SHB: variants seen among roughly 807,000 people sequenced by gnomAD.
SHB encodes SH2 domain-containing adapter protein B.
A neutral mutation model predicts 52.3 loss-of-function variants in SHB; 20 were observed. That is an observed-to-expected ratio of 0.38 (90% CI 0.27 to 0.56). The LOEUF (loss-of-function observed/expected upper bound fraction) is 0.56. Ranked by LOEUF, SHB falls within the 20% of genes least tolerant of loss-of-function variation. The pLI is 0.71. For missense variants in SHB, 825 were observed against 723.3 expected, an observed-to-expected ratio of 1.14 and a Z score of -1.61; for synonymous variants, 397 against 316.5, an observed-to-expected ratio of 1.25 and a Z score of -2.70.
chr9:38,024,553 C>T (rs1821318800), intron 1 of SHB, among the ~76,000 whole-genome samples: 1 of 152,216 alleles, frequency 6.6e-6, no homozygotes, highest in South Asian at 2.1e-4. Flanking sequence ...CACACACACA[C>T]ACAGCCCACT....
At chr9:37,980,158 ACT>A (rs777119236) in intron 2 of SHB, among the ~76,000 whole-genome samples, 77 of 152,146 alleles carry the variant, frequency 5.1e-4, no homozygotes, top group Non-Finnish European at 8.2e-4. Context: ...ACATAGATTG[ACT>A]CTTCCTTTCA....
At chr9:37,993,248 A>G (rs1302699133) in intron 2 of SHB, among the ~76,000 whole-genome samples, 1 of 152,116 alleles carries the variant, frequency 6.6e-6, no homozygotes, top group Non-Finnish European at 1.5e-5. Context: ...ATGGGAACGG[A>G]TGCCTACTTG....
chr9:38,030,407 T>TAAA (rs1821399266), intron 1 of SHB, among the ~76,000 whole-genome samples: 1 of 152,240 alleles, frequency 6.6e-6, no homozygotes. Context: ...TCCCACTTGC[T>TAAA]GCTTTCTCTA....
Position 38,068,035 on chromosome 9 carries a change from C to A in SHB, c.611G>T (p.Cys204Phe). 1 of 1,508,548 alleles carries A rather than the reference C, an allele frequency of 6.6e-7. No individual in the cohort carries two copies. The highest frequency in any genetic ancestry group is 8.8e-7 in the Non-Finnish European group (1 of 1,136,426). The allele number at this position is 1,508,548 out of a possible 1,614,324, so 93.4% of individuals were successfully genotyped here. A position where few individuals can be genotyped will look rare whatever the true frequency, so the allele number is the denominator to read the frequency against. ...GGAGDPLGGA[C>F]AGGRTWSPTA... The stretch of plus-strand genomic sequence containing the variant: ...CGGGCTCCAGGTGCGGCCGCCCGCG[C>A]AGGCGCCCCCCAGGGGGTCCCCGGC... The change falls in exon 1 of 6, where the codon TGC becomes TTC. Residue 204 changes from cysteine to phenylalanine, a missense_variant. By Grantham distance (205) the Cys-to-Phe change is radical (BLOSUM62 -2). Coordinates refer to ENST00000377707, the MANE Select transcript of SHB (RefSeq NM_003028.3).
intron 5 of SHB, among the ~76,000 whole-genome samples, chr9:37,939,656 C>T (rs1370075675): frequency 1.3e-5 from 2 of 152,146 alleles, no homozygotes; most frequent in African/African-American, 4.8e-5. Context: ...AACTAGTTGG[C>T]CATTGGCTGG....
intron 4 of SHB, among the ~76,000 whole-genome samples, chr9:37,954,289 A>G (rs1320745804): frequency 6.6e-6 from 1 of 152,208 alleles, no homozygotes; most frequent in East Asian, 1.9e-4. Context: ...CATCCTGCTC[A>G]CCGAGTGAGA....
At chr9:38,006,640 A>G (rs1821079098) in intron 2 of SHB, among the ~76,000 whole-genome samples, 1 of 152,220 alleles carries the variant, frequency 6.6e-6, no homozygotes, top group African/African-American at 2.4e-5. Context: ...CACAGCTGCC[A>G]GGAAAGACAA....
chr9:38,056,612 G>A (rs749590963), intron 1 of SHB, among the ~76,000 whole-genome samples: 3 of 152,212 alleles, frequency 2.0e-5, no homozygotes, highest in Admixed American at 6.5e-5. Flanking sequence ...GATTATAGGC[G>A]TGAGCCACCG....
chr9:38,057,153 T>C (rs192040116), intron 1 of SHB, among the ~76,000 whole-genome samples: 1 of 152,208 alleles, frequency 6.6e-6, no homozygotes, highest in African/African-American at 2.4e-5. Flanking sequence ...ACTGTTAAAT[T>C]GGTGAAAACG....
intron 5 of SHB, among the ~76,000 whole-genome samples, chr9:37,930,474 GCTC>G (rs1477979715): frequency 6.6e-6 from 1 of 152,102 alleles, no homozygotes; most frequent in Non-Finnish European, 1.5e-5. Flanking sequence ...AATGCCCCCT[GCTC>G]CTCATTTCTC....
rs918761772 is a variant in SHB, at chr9:37,956,305, C to T, written c.1055-251G>A. 2.0e-5 allele frequency among the ~76,000 whole-genome samples: 3 copies of T among 152,170 alleles called. No homozygotes were observed. The East Asian group carries it at 5.8e-4, about 29-fold the overall frequency. ...AGAGGCCACTGGGCTCAGCCTTACC[C>T]CCACAGAAACCTCCCTGTGGCCTCT... On this transcript the variant is annotated intron_variant, in intron 3 of 5. Transcript: ENST00000377707.
chr9:38,013,028 T>C (rs1821160177), intron 2 of SHB, among the ~76,000 whole-genome samples: 1 of 151,792 alleles, frequency 6.6e-6, no homozygotes, highest in Non-Finnish European at 1.5e-5. Flanking sequence ...CTGCCATCAA[T>C]CACTGGGGTG....
chr9:37,974,522 T>C (rs1445423948), intron 3 of SHB, 100 bp downstream of exon 3: 3 of 1,013,090 alleles, frequency 3.0e-6, no homozygotes, highest in South Asian at 1.4e-5. Flanking sequence ...AACTGGATTA[T>C]TAAACAACCC....
chr9:38,023,695 C>T (rs947934929), intron 1 of SHB, among the ~76,000 whole-genome samples: 1 of 152,188 alleles, frequency 6.6e-6, no homozygotes, highest in African/African-American at 2.4e-5. Flanking sequence ...AAGATTCATG[C>T]CCTAGTTGGG....
At chr9:38,055,810 T>C (rs1489105838) in intron 1 of SHB, among the ~76,000 whole-genome samples, 4 of 151,354 alleles carry the variant, frequency 2.6e-5, no homozygotes, top group Non-Finnish European at 4.4e-5. Flanking sequence ...TCAAGCCACA[T>C]GGGCAGGGCA....
At position 37,974,653 on chromosome 9, in the gene SHB, C is replaced by T; in HGVS notation, c.1023G>A (p.Glu341=). The T allele has an allele frequency of 1.2e-6, 2 of 1,613,554 alleles. No homozygotes were observed. The highest frequency in any genetic ancestry group is 1.1e-5 in the South Asian group (1 of 91,018). The change falls in exon 3 of 6, where the codon GAG becomes GAA. Residue 341 remains glutamate (E), a synonymous_variant. Coordinates refer to ENST00000377707, the MANE Select transcript of SHB (RefSeq NM_003028.3). ...GGGCTGGGATGGTGACCCGGTTCCACTCCCAAGGCTGGTCGTACTCATCGG... is the reference window on the plus strand; with the variant it reads ...GGGCTGGGATGGTGACCCGGTTCCATTCCCAAGGCTGGTCGTACTCATCGG... The part of the protein sequence containing the change: ...RPADEYDQPW[E]WNRVTIPALA...
intron 4 of SHB, among the ~76,000 whole-genome samples, chr9:37,955,292 AAC>A (rs909758818): frequency 6.6e-6 from 1 of 152,196 alleles, no homozygotes; most frequent in Non-Finnish European, 1.5e-5. Context: ...TAAGGGTGGC[AAC>A]ACAGTGTGGA....
intron 3 of SHB, among the ~76,000 whole-genome samples, chr9:37,957,250 CAGCA>C (rs1832646383): frequency 6.6e-6 from 1 of 152,224 alleles, no homozygotes; most frequent in Non-Finnish European, 1.5e-5. Flanking sequence ...CTCCTCTAAC[CAGCA>C]AGCATGATTG....
intron 1 of SHB, among the ~76,000 whole-genome samples, chr9:38,066,917 C>T (rs1000559705): frequency 6.6e-6 from 1 of 152,156 alleles, no homozygotes; most frequent in African/African-American, 2.4e-5. Flanking sequence ...GGGAGAACAA[C>T]AGCCACGCAC....
Sources: gnomAD v4.1 joint callset for allele counts (sites outside exome capture counted in the v4.1 genomes callset) on GRCh38, gnomAD v4.1.1 for gene constraint, MANE v1.5 for transcripts, NCBI Gene and HGNC (gene_info 2026-07-23, HGNC 2026-07-21) for gene names.